PARN: variants seen among roughly 807,000 people sequenced by gnomAD.
PARN encodes the protein poly(A)-specific ribonuclease PARN.
Under a neutral mutation model 102.8 loss-of-function variants are expected in PARN, and 71 were observed. The observed-to-expected ratio is 0.69, with a 90% confidence interval of 0.57 to 0.84. The LOEUF is 0.84. Ranked by LOEUF, PARN falls within the 40% of genes least tolerant of loss-of-function variation. The pLI is 0.00. For synonymous variants in PARN, 261 were observed against 252.9 expected, an observed-to-expected ratio of 1.03 and a Z score of -0.30; for missense variants, 782 against 760.9, an observed-to-expected ratio of 1.03 and a Z score of -0.33.
At chr16:14,627,398 T>G in intron 3 of PARN, 62 bp from the exon 4 acceptor site, 2 of 1,195,818 alleles carry the variant, frequency 1.7e-6, no homozygotes, top group Non-Finnish European at 2.4e-6. Flanking sequence ...GAGCATAGCA[T>G]TCTCAAACAG....
At chr16:14,625,364 G>C (rs914371773) in intron 5 of PARN, among the ~76,000 whole-genome samples, 5 of 152,084 alleles carry the variant, frequency 3.3e-5, no homozygotes, top group Admixed American at 2.0e-4. Context: ...GAGCATCTTG[G>C]TGCATGCCTG....
At chr16:14,615,836 G>C (rs911994583) in intron 6 of PARN, among the ~76,000 whole-genome samples, 6 of 151,834 alleles carry the variant, frequency 4.0e-5, no homozygotes, top group African/African-American at 1.5e-4. Flanking sequence ...GTTAGGTGGA[G>C]GCTGCGGTGA....
chr16:14,581,164 T>C (rs1461115040), intron 17 of PARN, among the ~76,000 whole-genome samples: 1 of 152,156 alleles, frequency 6.6e-6, no homozygotes, highest in Non-Finnish European at 1.5e-5. Flanking sequence ...GTGATTGTCC[T>C]GCCTCAGCCT....
chr16:14,568,353 C>T (rs1437953958), intron 18 of PARN, among the ~76,000 whole-genome samples: 1 of 151,092 alleles, frequency 6.6e-6, no homozygotes, highest in African/African-American at 2.4e-5. Flanking sequence ...GCTGGGACTA[C>T]AGGTACCCGC....
intron 18 of PARN, among the ~76,000 whole-genome samples, chr16:14,560,881 C>T (rs1211601745): frequency 6.6e-6 from 1 of 152,216 alleles, no homozygotes; most frequent in Non-Finnish European, 1.5e-5. Flanking sequence ...ATAGGCCGGG[C>T]GCGGTGGCTC....
intron 21 of PARN, among the ~76,000 whole-genome samples, chr16:14,541,607 C>A (rs1966840641): frequency 6.6e-6 from 1 of 151,982 alleles, no homozygotes; most frequent in South Asian, 2.1e-4. Context: ...ACCTGAGTAG[C>A]TGGGATTACA....
intron 22 of PARN, among the ~76,000 whole-genome samples, chr16:14,467,880 T>A (rs1229952763): frequency 6.6e-6 from 1 of 152,228 alleles, no homozygotes; most frequent in Non-Finnish European, 1.5e-5. Flanking sequence ...AGCAGGACAG[T>A]GAGTGGGAAG....
intron 12 of PARN, among the ~76,000 whole-genome samples, chr16:14,594,739 T>C (rs1970401536): frequency 6.6e-6 from 1 of 152,088 alleles, no homozygotes; most frequent in African/African-American, 2.4e-5. Context: ...GTTACCACGA[T>C]GGAGCTTTTA....
At chr16:14,552,188 A>G (rs1435330252) in intron 20 of PARN, 93 bp from the exon 21 acceptor site, 4 of 755,366 alleles carry the variant, frequency 5.3e-6, no homozygotes, top group Admixed American at 4.5e-5. Context: ...AGTATAGTCT[A>G]TCTTTAAAGA....
At chr16:14,456,706 T>G (rs1961695841) in intron 22 of PARN, among the ~76,000 whole-genome samples, 1 of 151,994 alleles carries the variant, frequency 6.6e-6, no homozygotes, top group Non-Finnish European at 1.5e-5. Flanking sequence ...GCTGGGCAGG[T>G]GGCTCTGAGA....
intron 22 of PARN, among the ~76,000 whole-genome samples, chr16:14,473,037 G>A (rs1049914489): frequency 6.6e-6 from 1 of 152,212 alleles, no homozygotes; most frequent in African/African-American, 2.4e-5. Flanking sequence ...AAAGTGAGAA[G>A]AGGGCAGAAA....
At chr16:14,592,440 G>A (rs1286567555) in intron 13 of PARN, among the ~76,000 whole-genome samples, 1 of 152,192 alleles carries the variant, frequency 6.6e-6, no homozygotes, top group Non-Finnish European at 1.5e-5. Context: ...GGAAATAAAA[G>A]AGTGGAGCGC....
chr16:14,585,087 A>C (rs1969760401), intron 14 of PARN, among the ~76,000 whole-genome samples: 2 of 152,178 alleles, frequency 1.3e-5, no homozygotes, highest in African/African-American at 2.4e-5. Flanking sequence ...ATTCACCTGG[A>C]TCCTCAGAGA....
intron 22 of PARN, among the ~76,000 whole-genome samples, chr16:14,460,107 A>G (rs1961882709): frequency 6.6e-6 from 1 of 152,222 alleles, no homozygotes. Context: ...AGCGTAAGCC[A>G]TAAAGGAACT....
At chr16:14,599,988 T>A in intron 11 of PARN, 28 bp from the exon 12 acceptor site, 1 of 1,260,034 alleles carries the variant, frequency 7.9e-7, no homozygotes, top group Non-Finnish European at 1.1e-6. Flanking sequence ...TACATATGTA[T>A]TATTGATGTA....
chr16:14,622,365 G>A (rs943321513), intron 5 of PARN, among the ~76,000 whole-genome samples: 1 of 152,220 alleles, frequency 6.6e-6, no homozygotes, highest in African/African-American at 2.4e-5. Context: ...CACAGATGTT[G>A]ACTATAGAAT....
At chr16:14,559,528 T>C (rs1420844842) in intron 18 of PARN, among the ~76,000 whole-genome samples, 2 of 151,978 alleles carry the variant, frequency 1.3e-5, no homozygotes, top group East Asian at 1.9e-4. Context: ...GCAGTGTCCA[T>C]CCCCTCAAGC....
chr16:14,619,386 G>C (rs1342878975), intron 5 of PARN, among the ~76,000 whole-genome samples: 2 of 151,188 alleles, frequency 1.3e-5, no homozygotes, highest in Admixed American at 6.6e-5. Flanking sequence ...CATCGCTGGA[G>C]CCCAGGAGTT....
chr16:14,525,249 A>C (rs1320027375), intron 21 of PARN, among the ~76,000 whole-genome samples: 1 of 152,218 alleles, frequency 6.6e-6, no homozygotes, highest in Non-Finnish European at 1.5e-5. Flanking sequence ...GAAATGAAAC[A>C]GATGACTCCC....
Sources: allele counts gnomAD v4.1 joint callset (sites outside exome capture counted in the v4.1 genomes callset), GRCh38; gene constraint gnomAD v4.1.1; transcripts MANE v1.5; gene names NCBI Gene and HGNC (gene_info 2026-07-23, HGNC 2026-07-21).